Variants in KIF13A observed in about 807,000 individuals in gnomAD.
KIF13A encodes kinesin family member 13A.
KIF13A carries 79 observed loss-of-function variants against 212.2 expected under a neutral mutation model. That is an observed-to-expected ratio of 0.37 (90% CI 0.31 to 0.45). The LOEUF (loss-of-function observed/expected upper bound fraction) is 0.45, where lower values mean the gene tolerates loss of function less well. KIF13A is among the 20% of genes least tolerant of loss of function. The probability of loss-of-function intolerance (pLI) is 1.00; values close to 1 mark genes in which losing one functional copy is unlikely to be tolerated. For synonymous variants in KIF13A, 789 were observed against 808.6 expected (o/e 0.98, Z 0.41); for missense variants, 1,901 against 2,209.0 (o/e 0.86, Z 2.79).
At chr6:17,889,687 C>T (rs1771867282) in intron 3 of KIF13A, among the ~76,000 whole-genome samples, 1 of 152,092 alleles carries the variant, frequency 6.6e-6, no homozygotes, top group South Asian at 2.1e-4. Context: ...AGACTGGTTC[C>T]AGGAGCCCCT....
chr6:17,913,960 G>A (rs1251381963), intron 2 of KIF13A, among the ~76,000 whole-genome samples: 1 of 152,120 alleles, frequency 6.6e-6, no homozygotes, highest in African/African-American at 2.4e-5. Flanking sequence ...GATCCCAGAG[G>A]AGAGATAACA....
At position 17,849,580 on chromosome 6, in the gene KIF13A, C is replaced by G. The variant is rs1182725955; in HGVS notation, c.718-91G>C. 2.5e-6 allele frequency: 2 copies of G among 808,216 alleles called. No homozygotes were observed. The highest frequency in any genetic ancestry group is 1.9e-6 in the Non-Finnish European group (1 of 516,396). 50.1% of individuals were successfully genotyped at this position (808,216 alleles called of 1,614,324 possible). A position where few individuals can be genotyped will look rare whatever the true frequency, so the allele number is the denominator to read the frequency against. On this transcript the variant is annotated intron_variant, in intron 8 of 38. Transcript: ENST00000259711. This position sits in a 1 kb window ranked among gnomAD's most constrained non-coding sequence, Gnocchi z 5.7. ...TATGTTAGCACTATAATTGAGCAAT[C>G]CATCCCACTCTCATATGGCAAATTT...
At position 17,838,100 on chromosome 6, in the gene KIF13A, A is replaced by C. The variant is rs920603715; in HGVS notation, c.831-517T>G. ...GGGAGGCTGAGGCAGGTGGATCATG[A>C]GGTCAGGGGTCAGGAGATCAAGACC... On this transcript the variant is annotated intron_variant, in intron 9 of 38. Coordinates refer to ENST00000259711, the MANE Select transcript of KIF13A (RefSeq NM_022113.6). This position sits in a 1 kb window ranked among gnomAD's most constrained non-coding sequence, Gnocchi z 4.2. 6.6e-6 allele frequency among the ~76,000 whole-genome samples: 1 copy of C among 152,088 alleles called. No individual in the cohort carries two copies. The highest frequency in any genetic ancestry group is 1.9e-4 in the East Asian group (1 of 5,166).
rs1383158717 is a variant in KIF13A at position 17,961,444 on chromosome 6, C to A, written c.146+25610G>T. Among the ~76,000 whole-genome samples the A allele has an allele frequency of 6.6e-6, 1 of 152,212 alleles. No homozygotes were observed. Among genetic ancestry groups the A allele is most frequent in the Non-Finnish European group, 1.5e-5 (1 of 68,044 alleles). On this transcript the variant is annotated intron_variant, in intron 2 of 38. Transcript: ENST00000259711. The surrounding 1 kb of genome is among the most constrained non-coding windows in gnomAD (Gnocchi z 4.1). Reference sequence around the variant, plus strand: ...ACAAGCACCAAGCATATTGTAAGCCCTTTATATTCTCCCCGAATTAGGTTG... The same window carrying A: ...ACAAGCACCAAGCATATTGTAAGCCATTTATATTCTCCCCGAATTAGGTTG...
intron 3 of KIF13A, among the ~76,000 whole-genome samples, chr6:17,878,973 A>G (rs778598983): frequency 1.3e-5 from 2 of 152,216 alleles, no homozygotes; most frequent in Non-Finnish European, 2.9e-5. Context: ...GAATGGTGAT[A>G]CCTCAAACCA....
intron 12 of KIF13A, among the ~76,000 whole-genome samples, 174 bp downstream of exon 12, chr6:17,833,787 T>A (rs952002295): frequency 3.1e-4 from 41 of 132,504 alleles, no homozygotes; most frequent in Non-Finnish European, 5.4e-4. Flanking sequence ...GCCCGGGAGG[T>A]GGAGGTTGCA....
rs1737590784 is a variant in KIF13A, at chr6:17,843,250, T to C, written c.831-5667A>G. Among the ~76,000 whole-genome samples the C allele has an allele frequency of 6.6e-6, 1 of 152,156 alleles. No homozygotes were observed. The highest frequency in any genetic ancestry group is 2.1e-4 in the South Asian group (1 of 4,830). Reference sequence around the variant, plus strand: ...GAAGACCAAAACATGGACCTCTGTTTAAAAAGGACTAATTCAATGATGGTT... The same window carrying C: ...GAAGACCAAAACATGGACCTCTGTTCAAAAAGGACTAATTCAATGATGGTT... On this transcript the variant is annotated intron_variant, in intron 9 of 38. Coordinates refer to ENST00000259711, the MANE Select transcript of KIF13A (RefSeq NM_022113.6). The surrounding 1 kb of genome is among the most constrained non-coding windows in gnomAD (Gnocchi z 5.3).
At chr6:17,975,324 G>A (rs1326388295) in intron 2 of KIF13A, among the ~76,000 whole-genome samples, 2 of 149,712 alleles carry the variant, frequency 1.3e-5, no homozygotes, top group South Asian at 2.2e-4. Flanking sequence ...CGAATTAGTA[G>A]GTTCTTGGTC....
chr6:17,806,131 T>C (rs1762926397), intron 18 of KIF13A, among the ~76,000 whole-genome samples: 1 of 152,038 alleles, frequency 6.6e-6, no homozygotes, highest in African/African-American at 2.4e-5. Flanking sequence ...TGGGGTTTTG[T>C]TATGTTGCCC....
At position 17,918,326 on chromosome 6, in the gene KIF13A, C is replaced by A. The variant is rs754615386; in HGVS notation, c.147-20146G>T. On this transcript the variant is annotated intron_variant, in intron 2 of 38. Transcript: ENST00000259711. This position sits in a 1 kb window ranked among gnomAD's most constrained non-coding sequence, Gnocchi z 4.8. ...TAAAAAATAGTCTCAGAACTGTAGACCAAAAGAATGTAAATGTCCCACACT... is the reference window on the plus strand; with the variant it reads ...TAAAAAATAGTCTCAGAACTGTAGAACAAAAGAATGTAAATGTCCCACACT... Among the ~76,000 whole-genome samples the A allele has an allele frequency of 1.3e-5, 2 of 152,120 alleles. No individual in the cohort carries two copies. The highest frequency in any genetic ancestry group is 2.9e-5 in the Non-Finnish European group (2 of 68,030).
chr6:17,761,567 G>A (rs111796248), downstream of KIF13A, among the ~76,000 whole-genome samples: 1,177 of 152,138 alleles, frequency 7.7e-3, 16 homozygotes, highest in African/African-American at 0.027. Flanking sequence ...GTTTTCAGTA[G>A]AGACAGGGTT....
chr6:17,960,991 A>T (rs1778772343), intron 2 of KIF13A, among the ~76,000 whole-genome samples: 1 of 152,254 alleles, frequency 6.6e-6, no homozygotes, highest in Non-Finnish European at 1.5e-5. Flanking sequence ...GAAGCGTAGC[A>T]TCTTTCAGTT....
chr6:17,771,147 T>A lies in KIF13A; in HGVS notation c.4548A>T (p.Pro1516=). 1 of 1,613,306 alleles carries A rather than the reference T, an allele frequency of 6.2e-7. No individual in the cohort carries two copies. Among genetic ancestry groups the A allele is most frequent in the Middle Eastern group, 1.6e-4 (1 of 6,062 alleles). The change falls in exon 38 of 39, where the codon CCA becomes CCT. Residue 1516 remains proline, a synonymous_variant. Coordinates refer to ENST00000259711, the MANE Select transcript of KIF13A (RefSeq NM_022113.6). The surrounding 1 kb of genome is among the most constrained non-coding windows in gnomAD (Gnocchi z 5.4). The part of the protein sequence containing the change: ...VPSGSNGSSM[P]VEHNSKREKK... ...TCTCACGTTTGCTATTGTGTTCTAC[T>A]GGCATGCTGCTGCCATTGCTTCCTG...
Position 17,886,418 on chromosome 6 carries a change from A to G in KIF13A, c.159+11750T>C, listed in dbSNP as rs1771543695. Reference sequence around the variant, plus strand: ...AGTTAAGTTACGCTGCAAAGGACTGATGAAGAGTTCACACTGCTGCGGCTG... The same window carrying G: ...AGTTAAGTTACGCTGCAAAGGACTGGTGAAGAGTTCACACTGCTGCGGCTG... On this transcript the variant is annotated intron_variant, in intron 3 of 38. Transcript: ENST00000259711. The surrounding 1 kb of genome is among the most constrained non-coding windows in gnomAD (Gnocchi z 5.6). Among the ~76,000 whole-genome samples the G allele has an allele frequency of 6.6e-6, 1 of 152,202 alleles. No homozygotes were observed. Among genetic ancestry groups the G allele is most frequent in the Admixed American group, 6.5e-5 (1 of 15,284 alleles).
Position 17,774,135 on chromosome 6 carries a change from T to C in KIF13A, c.4219-552A>G, listed in dbSNP as rs548775720. Among the ~76,000 whole-genome samples the C allele has an allele frequency of 4.7e-4, 71 of 152,330 alleles. 1 individual carries two copies. Among genetic ancestry groups the C allele is most frequent in the Admixed American group, 1.6e-3 (25 of 15,306 alleles). ...TATCATACGAGCTTACTTAATCTTA[T>C]GTCAACTTATCAGGAGTTGATTGCC... On this transcript the variant is annotated intron_variant, in intron 35 of 38. Transcript: ENST00000259711.
At chr6:17,876,040 C>T (rs565854267) in intron 3 of KIF13A, among the ~76,000 whole-genome samples, 1 of 152,256 alleles carries the variant, frequency 6.6e-6, no homozygotes, top group Admixed American at 6.5e-5. Flanking sequence ...TTCCCCAATT[C>T]ATTTTGGTGA....
Position 17,917,786 on chromosome 6 carries a change from C to G in KIF13A, c.147-19606G>C, listed in dbSNP as rs77701043. 7.0e-3 allele frequency among the ~76,000 whole-genome samples: 1,066 copies of G among 152,252 alleles called. 17 individuals carry two copies. Among genetic ancestry groups the G allele is most frequent in the African/African-American group, 0.025 (1,032 of 41,536 alleles). ...CCTGGCTTAAAATCCTGCAACAATGCCTTAATGCACTTGGGATAAACAAAT... is the reference window on the plus strand; with the variant it reads ...CCTGGCTTAAAATCCTGCAACAATGGCTTAATGCACTTGGGATAAACAAAT... On this transcript the variant is annotated intron_variant, in intron 2 of 38. Transcript: ENST00000259711.
chr6:17,760,902 C>T (rs1758551218), downstream of KIF13A: 1 of 1,613,166 alleles, frequency 6.2e-7, no homozygotes, highest in African/African-American at 1.3e-5. Flanking sequence ...CTGGTGAGTT[C>T]ATGCTTCTCA....
rs879605366 is a variant in KIF13A at position 17,915,955 on chromosome 6, AAAAATAAAAT to A, written c.147-17785_147-17776del. Among the ~76,000 whole-genome samples the A allele has an allele frequency of 0.042, 5,619 of 133,028 alleles. 246 individuals carry two copies. Among genetic ancestry groups the A allele is most frequent in the African/African-American group, 0.12 (4,220 of 35,440 alleles). 87.3% of individuals were successfully genotyped at this position (133,028 alleles called of 152,430 possible). A position where few individuals can be genotyped will look rare whatever the true frequency, so the allele number is the denominator to read the frequency against. On this transcript the variant is annotated intron_variant, in intron 2 of 38. Transcript: ENST00000259711. The surrounding 1 kb of genome is among the most constrained non-coding windows in gnomAD (Gnocchi z 4.4). ...CAGTCTCAAAAAAAAAAATAAAAATAAAAATAAAATAAAATAAAATAAATTACAGTTCAAA... is the reference window on the plus strand; with the variant it reads ...CAGTCTCAAAAAAAAAAATAAAAATAAAAATAAAATAAATTACAGTTCAAA...
Sources: allele counts gnomAD v4.1 joint callset (sites outside exome capture counted in the v4.1 genomes callset), GRCh38; gene constraint gnomAD v4.1.1; non-coding constraint Gnocchi (gnomAD v3.1); transcripts MANE v1.5; gene names NCBI Gene and HGNC (gene_info 2026-07-23, HGNC 2026-07-21).